Variants in AFAP1 observed in about 807,000 individuals in gnomAD.
AFAP1 encodes the protein actin filament-associated protein 1.
A neutral mutation model predicts 93.9 loss-of-function variants in AFAP1; 75 were observed. The observed-to-expected ratio is 0.80, with a 90% confidence interval of 0.66 to 0.97. The LOEUF (loss-of-function observed/expected upper bound fraction) is 0.97, where lower values mean the gene tolerates loss of function less well. AFAP1 is among the 50% of genes least tolerant of loss of function. AFAP1 has a pLI of 0.00. For synonymous variants in AFAP1, 517 were observed against 430.7 expected (o/e 1.20, Z -2.48); for missense variants, 1,201 against 1,050.8 (o/e 1.14, Z -1.98).
chr4:7,933,671 C>G (rs1422806167), intron 1 of AFAP1, among the ~76,000 whole-genome samples: 1 of 152,228 alleles, frequency 6.6e-6, no homozygotes, highest in Admixed American at 6.5e-5. Flanking sequence ...CCTGGCCTAG[C>G]TAGTCCTGAG....
chr4:7,805,738 G>A (rs1719449157), intron 9 of AFAP1, among the ~76,000 whole-genome samples: 1 of 152,220 alleles, frequency 6.6e-6, no homozygotes, highest in Non-Finnish European at 1.5e-5. Context: ...ACGGTGCTGT[G>A]GACACAGGCA....
chr4:7,793,730 C>A lies in AFAP1; in HGVS notation c.1363G>T (p.Asp455Tyr). 6.3e-7 allele frequency: 1 copy of A among 1,579,436 alleles called. No homozygotes were observed. ...ATGACACTTGCAGACATCTCCACAT[C>A]AATGTAGTCATAGTGCAGAGCCTCC... ...DPEALHYDYI[D>Y]VEMSASVIQT... Residue 455 changes from aspartate to tyrosine, a missense_variant, in exon 11 of 18, where the codon GAT becomes TAT. Physicochemically the swap from Asp to Tyr is radical, Grantham distance 160 (BLOSUM62 -3). Transcript: ENST00000420658.
At chr4:7,876,457 C>G (rs942140172) in intron 1 of AFAP1, among the ~76,000 whole-genome samples, 1 of 152,192 alleles carries the variant, frequency 6.6e-6, no homozygotes, top group Non-Finnish European at 1.5e-5. Flanking sequence ...AAACAGGATT[C>G]GGTTGGGATG....
intron 1 of AFAP1, among the ~76,000 whole-genome samples, chr4:7,922,433 A>G (rs1720488523): frequency 6.6e-6 from 1 of 152,168 alleles, no homozygotes; most frequent in Non-Finnish European, 1.5e-5. Context: ...TGAAGGATGG[A>G]GAAGATTTAA....
intron 8 of AFAP1, among the ~76,000 whole-genome samples, chr4:7,811,444 C>G (rs1324953995): frequency 3.9e-5 from 6 of 152,048 alleles, no homozygotes; most frequent in African/African-American, 1.4e-4. Context: ...CACACTCACA[C>G]GCAGTCCCCT....
Position 7,939,573 on chromosome 4 carries a change from C to T in AFAP1, c.-3+83G>A, listed in dbSNP as rs1325666763. Reference sequence around the variant, plus strand: ...CCAGGCGCACGGACCCCGGACCCTGCGGAGCCCCGCTCGGAGCTTCCACGC... The same window carrying T: ...CCAGGCGCACGGACCCCGGACCCTGTGGAGCCCCGCTCGGAGCTTCCACGC... On this transcript the variant is annotated intron_variant, in intron 1 of 17. Coordinates refer to ENST00000420658, the MANE Select transcript of AFAP1 (RefSeq NM_001134647.2). The surrounding 1 kb of genome is among the most constrained non-coding windows in gnomAD (Gnocchi z 5.6). The T allele has an allele frequency of 5.2e-6, 2 of 386,912 alleles. No homozygotes were observed. The highest frequency in any genetic ancestry group is 1.0e-5 in the Non-Finnish European group (2 of 198,254). 24.0% of individuals were successfully genotyped at this position (386,912 alleles called of 1,614,324 possible).
intron 1 of AFAP1, among the ~76,000 whole-genome samples, chr4:7,902,513 C>T (rs953449857): frequency 3.3e-5 from 5 of 152,066 alleles, no homozygotes; most frequent in Admixed American, 2.6e-4. Context: ...TGATTTTTTT[C>T]CCCTTGTTCT....
intron 14 of AFAP1, chr4:7,778,108 CT>C (rs1291616337): frequency 1.3e-5 from 2 of 153,232 alleles, no homozygotes; most frequent in African/African-American, 4.8e-5. Context: ...CACTCTGGCT[CT>C]GTGATTTACC....
At chr4:7,918,667 G>A (rs1289483250) in intron 1 of AFAP1, among the ~76,000 whole-genome samples, 9 of 139,824 alleles carry the variant, frequency 6.4e-5, no homozygotes, top group Non-Finnish European at 1.1e-4. Context: ...CAGGTCACCC[G>A]CAAACAGGGC....
chr4:7,878,067 G>A (rs931648061), intron 1 of AFAP1, among the ~76,000 whole-genome samples: 8 of 152,114 alleles, frequency 5.3e-5, no homozygotes, highest in Non-Finnish European at 7.4e-5. Context: ...TCACTACGGC[G>A]CCAAAGCAAG....
At chr4:7,773,409 A>G in intron 15 of AFAP1, 1 of 196,364 alleles carries the variant, frequency 5.1e-6, no homozygotes, top group Non-Finnish European at 1.0e-5. Flanking sequence ...TTTGCGCCCG[A>G]GGCAATGAAC....
chr4:7,853,204 T>C (rs1035234052), intron 4 of AFAP1, among the ~76,000 whole-genome samples: 55 of 149,570 alleles, frequency 3.7e-4, no homozygotes, highest in Admixed American at 3.4e-3. Context: ...CTGGGAGTGA[T>C]AGGGCAGAGG....
intron 1 of AFAP1, among the ~76,000 whole-genome samples, chr4:7,873,998 A>G (rs1279820762): frequency 6.6e-6 from 1 of 152,244 alleles, no homozygotes; most frequent in African/African-American, 2.4e-5. Flanking sequence ...ATAAGAGCTT[A>G]CTGCCTCCTA....
At chr4:7,861,346 T>C (rs546583592) in intron 3 of AFAP1, among the ~76,000 whole-genome samples, 26 of 152,234 alleles carry the variant, frequency 1.7e-4, no homozygotes, top group Non-Finnish European at 3.5e-4. Context: ...AAGGAATCCA[T>C]GCCGCTGAAG....
chr4:7,826,278 G>A (rs1388565628), intron 6 of AFAP1, among the ~76,000 whole-genome samples: 2 of 152,252 alleles, frequency 1.3e-5, no homozygotes, highest in East Asian at 1.9e-4. Context: ...AGAAGCTGGA[G>A]GCAAGGAAAC....
At chr4:7,853,299 A>G (rs377172180) in intron 4 of AFAP1, among the ~76,000 whole-genome samples, 1,418 of 113,318 alleles carry the variant, frequency 0.013, no homozygotes, top group Middle Eastern at 0.057. Flanking sequence ...GCCTAGCAAG[A>G]CTGGAATCAC....
chr4:7,866,219 CAG>C lies in AFAP1; in HGVS notation c.225+2401_225+2402del, dbSNP rs1442026763. On this transcript the variant is annotated intron_variant, in intron 3 of 17. Coordinates refer to ENST00000420658, the MANE Select transcript of AFAP1 (RefSeq NM_001134647.2). The stretch of plus-strand genomic sequence containing the variant: ...GCAGGTTTTTTGTTTTTTTTTGAGA[CAG>C]AGTCTCGCTCTGTCACCCAGGCTGT... 2.6e-4 allele frequency among the ~76,000 whole-genome samples: 39 copies of C among 148,642 alleles called. No homozygotes were observed. In the East Asian group the frequency reaches 5.2e-3, roughly 20 times the overall value.
chr4:7,853,693 G>A (rs982541521), intron 4 of AFAP1, among the ~76,000 whole-genome samples: 9 of 152,182 alleles, frequency 5.9e-5, no homozygotes, highest in South Asian at 2.1e-4. Flanking sequence ...CATAACCCAC[G>A]CAGGTTTCAC....
At chr4:7,871,918 A>G (rs753427767) in intron 2 of AFAP1, 34 bp downstream of exon 2, 6 of 1,611,668 alleles carry the variant, frequency 3.7e-6, no homozygotes, top group South Asian at 1.1e-5. Context: ...AAGACACTGT[A>G]AGAAGGAAAA....
Sources: gnomAD v4.1 joint callset for allele counts (sites outside exome capture counted in the v4.1 genomes callset) on GRCh38, gnomAD v4.1.1 for gene constraint, Gnocchi (gnomAD v3.1) non-coding constraint, MANE v1.5 for transcripts, NCBI Gene and HGNC (gene_info 2026-07-23, HGNC 2026-07-21) for gene names.